Variants in ATXN2 observed in about 807,000 individuals in gnomAD.
ATXN2 encodes the protein ataxin 2, also known as ataxin-2.
A neutral mutation model predicts 138.6 loss-of-function variants in ATXN2; 37 were observed. That is an observed-to-expected ratio of 0.27 (90% CI 0.21 to 0.35). The LOEUF is 0.35. ATXN2 is among the 10% of genes least tolerant of loss of function. The probability of loss-of-function intolerance (pLI) is 1.00; values close to 1 mark genes in which losing one functional copy is unlikely to be tolerated. For synonymous variants in ATXN2, 549 were observed against 543.7 expected (o/e 1.01, Z -0.13); for missense variants, 1,216 against 1,480.3 (o/e 0.82, Z 2.93).
In ATXN2 at chr12:111,505,035, G is replaced by A. The variant is rs548289228; in HGVS notation, c.1935+4514C>T. Among the ~76,000 whole-genome samples, 24 of 152,148 alleles carry A rather than the reference G, an allele frequency of 1.6e-4. 1 individual carries two copies. In the South Asian group the frequency reaches 4.8e-3, roughly 30 times the overall value. ...GTCCAAGTGTTTGAGACCAGCCTGG[G>A]CAACATGGCGAAATTCTGTCTCTAC... On this transcript the variant is annotated intron_variant, in intron 14 of 24. Transcript: ENST00000673436.
intron 2 of ATXN2, among the ~76,000 whole-genome samples, chr12:111,555,382 C>T (rs1882334567): frequency 6.6e-6 from 1 of 152,110 alleles, no homozygotes; most frequent in African/African-American, 2.4e-5. Context: ...TAATAATTCT[C>T]GTGTGTCAAG....
chr12:111,552,464 C>A lies in ATXN2; in HGVS notation c.421-34G>T. ...AAAAACACAAGTAAGTACTCCAAAC[C>A]TTTACAAAATAAAATTTGTTAGGAA... On this transcript the variant is annotated intron_variant, in intron 4 of 24. Transcript: ENST00000673436. This position sits in a 1 kb window ranked among gnomAD's most constrained non-coding sequence, Gnocchi z 4.1. The A allele has an allele frequency of 6.4e-7, 1 of 1,569,578 alleles. No individual in the cohort carries two copies. Among genetic ancestry groups the A allele is most frequent in the Non-Finnish European group, 8.6e-7 (1 of 1,164,518 alleles).
chr12:111,471,587 A>T (rs1280295271), intron 18 of ATXN2: 1 of 152,192 alleles, frequency 6.6e-6, no homozygotes, highest in East Asian at 1.9e-4. Context: ...TGTTCATAAA[A>T]TCCTAAGAAC....
intron 21 of ATXN2, among the ~76,000 whole-genome samples, chr12:111,461,807 C>T (rs1875605084): frequency 6.6e-6 from 1 of 151,836 alleles, no homozygotes; most frequent in Admixed American, 6.6e-5. Context: ...CCTGTAATCC[C>T]AGCTACTCTG....
intron 24 of ATXN2, 44 bp from the exon 25 acceptor site, chr12:111,452,884 C>T (rs1874765244): frequency 1.2e-6 from 2 of 1,601,632 alleles, no homozygotes; most frequent in African/African-American, 1.3e-5. Context: ...ACTGGCAACA[C>T]CACACATCAG....
At chr12:111,498,617 A>G (rs2135714696) in intron 14 of ATXN2, among the ~76,000 whole-genome samples, 1 of 152,328 alleles carries the variant, frequency 6.6e-6, no homozygotes, top group South Asian at 2.1e-4. Context: ...AAGAATTAAT[A>G]TTGCTAAAAT....
intron 18 of ATXN2, among the ~76,000 whole-genome samples, chr12:111,474,847 G>A (rs1876679096): frequency 6.6e-6 from 1 of 152,132 alleles, no homozygotes; most frequent in Non-Finnish European, 1.5e-5. Flanking sequence ...ACTTTGGGAG[G>A]CCGAGGCGGG....
chr12:111,464,335 T>TTG (rs375641693), intron 21 of ATXN2, among the ~76,000 whole-genome samples: 13,662 of 105,680 alleles, frequency 0.13, 658 homozygotes, highest in Admixed American at 0.19. Flanking sequence ...GTGTGTGTGT[T>TTG]TGTGTGTGTG....
In ATXN2 at chr12:111,597,772, C is replaced by A. The variant is rs1042622743; in HGVS notation, c.251+1012G>T. 4.8e-6 allele frequency: 5 copies of A among 1,047,136 alleles called. No homozygotes were observed. The Admixed American group carries it at 1.2e-4, about 24-fold the overall frequency. The allele number at this position is 1,047,136 out of a possible 1,614,324, so 64.9% of individuals were successfully genotyped here. ...GCCTTTCTGCCTTCAGGAACCCGAC[C>A]ACGTCCCCTGCTGCAATCTCTCTCT... On this transcript the variant is annotated intron_variant, in intron 1 of 24. Coordinates refer to ENST00000673436, the MANE Select transcript of ATXN2 (RefSeq NM_001372574.1).
At chr12:111,539,827 C>T (rs977518713) in intron 5 of ATXN2, among the ~76,000 whole-genome samples, 1 of 149,868 alleles carries the variant, frequency 6.7e-6, no homozygotes, top group Non-Finnish European at 1.5e-5. Context: ...AAAGTAAATT[C>T]AGAAATGTTC....
At chr12:111,548,862 T>C (rs562027505) in intron 5 of ATXN2, among the ~76,000 whole-genome samples, 9 of 152,282 alleles carry the variant, frequency 5.9e-5, no homozygotes, top group Admixed American at 2.0e-4. Flanking sequence ...GCTGGGATTA[T>C]AGACATGTGC....
chr12:111,547,827 T>C (rs1336033192), intron 5 of ATXN2, among the ~76,000 whole-genome samples: 1 of 149,166 alleles, frequency 6.7e-6, no homozygotes, highest in South Asian at 2.1e-4. Context: ...CATCTTATAT[T>C]GCTTGAGAAT....
intron 1 of ATXN2, among the ~76,000 whole-genome samples, chr12:111,561,916 A>G (rs978837106): frequency 3.3e-5 from 5 of 151,414 alleles, no homozygotes; most frequent in Admixed American, 6.6e-5. Context: ...GGTTCAAGCA[A>G]TTCTCCTGCC....
At chr12:111,510,927 C>T (rs1879469522) in intron 11 of ATXN2, 1 of 172,910 alleles carries the variant, frequency 5.8e-6, no homozygotes, top group African/African-American at 2.4e-5. Context: ...CGGGGTTTCA[C>T]CATGCTGGCC....
chr12:111,483,957 A>G (rs911382113), intron 18 of ATXN2, among the ~76,000 whole-genome samples: 4 of 144,546 alleles, frequency 2.8e-5, no homozygotes, highest in Non-Finnish European at 1.5e-5. Context: ...TAAGATTTCT[A>G]TTTTTTTTTT....
intron 5 of ATXN2, among the ~76,000 whole-genome samples, chr12:111,542,316 C>T (rs1881564827): frequency 6.6e-6 from 1 of 151,966 alleles, no homozygotes; most frequent in South Asian, 2.1e-4. Flanking sequence ...TTGCAAACTC[C>T]GTCTCCTGGA....
In ATXN2 at chr12:111,552,862, A is replaced by G. The variant is rs1248690788; in HGVS notation, c.420+44T>C. 1 of 1,325,876 alleles carries G rather than the reference A, an allele frequency of 7.5e-7. No homozygotes were observed. The highest frequency in any genetic ancestry group is 1.0e-6 in the Non-Finnish European group (1 of 964,580). 82.1% of individuals were successfully genotyped at this position (1,325,876 alleles called of 1,614,324 possible). A position where few individuals can be genotyped will look rare whatever the true frequency, so the allele number is the denominator to read the frequency against. The stretch of plus-strand genomic sequence containing the variant: ...ACTAGGTAAAACACTGACTATGAAA[A>G]TGTTCTTTTACTTTGTAAGAAAAAG... On this transcript the variant is annotated intron_variant, in intron 4 of 24. Transcript: ENST00000673436. The surrounding 1 kb of genome is among the most constrained non-coding windows in gnomAD (Gnocchi z 4.1).
At chr12:111,597,998 C>A in intron 1 of ATXN2, 1 of 1,200,728 alleles carries the variant, frequency 8.3e-7, no homozygotes, top group South Asian at 1.5e-5. Flanking sequence ...AGAGGTCTGG[C>A]GGGGGAAGGA....
intron 1 of ATXN2, among the ~76,000 whole-genome samples, chr12:111,563,878 T>C (rs1344844088): frequency 6.6e-6 from 1 of 152,210 alleles, no homozygotes; most frequent in Non-Finnish European, 1.5e-5. Context: ...CTCAATCAAA[T>C]ATACGATGCT....
Sources: allele counts gnomAD v4.1 joint callset (sites outside exome capture counted in the v4.1 genomes callset), GRCh38; gene constraint gnomAD v4.1.1; non-coding constraint Gnocchi (gnomAD v3.1); transcripts MANE v1.5; gene names NCBI Gene and HGNC (gene_info 2026-07-23, HGNC 2026-07-21).